Variants in TLK2 observed in about 807,000 individuals in gnomAD.
TLK2 encodes serine/threonine-protein kinase tousled-like 2.
Under a neutral mutation model 117.3 loss-of-function variants are expected in TLK2, and 6 were observed. The ratio of observed to expected loss-of-function variants is 0.05; its 90% CI spans 0.03 to 0.10. The LOEUF (loss-of-function observed/expected upper bound fraction) is 0.10. TLK2 is among the 10% of genes least tolerant of loss of function. TLK2 has a pLI of 1.00. For missense variants in TLK2, 299 were observed against 901.2 expected, an observed-to-expected ratio of 0.33 and a Z score of 8.56; for synonymous variants, 257 against 316.7, an observed-to-expected ratio of 0.81 and a Z score of 2.00.
chr17:62,586,814 G>A (rs1209112964), intron 16 of TLK2, among the ~76,000 whole-genome samples: 1 of 141,588 alleles, frequency 7.1e-6, no homozygotes, highest in Non-Finnish European at 1.6e-5. Context: ...GTGCGAGTGC[G>A]AGACTGCATC....
At chr17:62,497,118 C>T (rs2073777495) in intron 2 of TLK2, among the ~76,000 whole-genome samples, 1 of 151,950 alleles carries the variant, frequency 6.6e-6, no homozygotes, top group Non-Finnish European at 1.5e-5. Flanking sequence ...ATTAGCCAGG[C>T]ATGGTGGCGT....
chr17:62,596,447 G>A (rs1316978837), intron 16 of TLK2, 138 bp from the exon 17 acceptor site: 4 of 631,568 alleles, frequency 6.3e-6, no homozygotes, highest in Non-Finnish European at 1.1e-5. Context: ...AGAAAAGTCA[G>A]ATGAGGGACC....
At chr17:62,548,240 A>ATGTGTG (rs59375141) in intron 7 of TLK2, among the ~76,000 whole-genome samples, 4,893 of 121,192 alleles carry the variant, frequency 0.04, 124 homozygotes, top group South Asian at 0.092. Context: ...ATATATATAT[A>ATGTGTG]TGTGTGTGTG....
chr17:62,480,346 A>C (rs1320244816), intron 1 of TLK2, among the ~76,000 whole-genome samples: 1 of 152,146 alleles, frequency 6.6e-6, no homozygotes, highest in Non-Finnish European at 1.5e-5. Flanking sequence ...TATTTGCTGA[A>C]AGTAGCCTGT....
chr17:62,473,035 C>A (rs1422261833), intron 1 of TLK2, among the ~76,000 whole-genome samples: 2 of 152,180 alleles, frequency 1.3e-5, no homozygotes, highest in East Asian at 3.8e-4. Context: ...GCCCCCAACC[C>A]ACTCTCATTT....
intron 13 of TLK2, among the ~76,000 whole-genome samples, chr17:62,578,180 T>C (rs2080953192): frequency 6.6e-6 from 1 of 152,218 alleles, no homozygotes; most frequent in African/African-American, 2.4e-5. Context: ...AAAACATTCC[T>C]GAAAACTTAT....
At chr17:62,579,397 A>T (rs1300881137) in intron 14 of TLK2, among the ~76,000 whole-genome samples, 1 of 152,192 alleles carries the variant, frequency 6.6e-6, no homozygotes, top group African/African-American at 2.4e-5. Context: ...AAAGAGTTCA[A>T]CTTGGATCTT....
rs1261580027 is a variant in TLK2, at chr17:62,615,435, G to A, written c.*2870G>A. ...AGATTGTTTTAGCCTTTTCCCAATGGGGTGGGGGAGGGAAGAAGGATATTA... is the reference window on the plus strand; with the variant it reads ...AGATTGTTTTAGCCTTTTCCCAATGAGGTGGGGGAGGGAAGAAGGATATTA... On this transcript the variant is annotated 3_prime_UTR_variant, in exon 22 of 22. Coordinates refer to ENST00000346027, the MANE Select transcript of TLK2 (RefSeq NM_006852.6). 6.6e-6 allele frequency: 1 copy of A among 152,160 alleles called. No individual in the cohort carries two copies. The highest frequency in any genetic ancestry group is 1.5e-5 in the Non-Finnish European group (1 of 68,032). The allele number at this position is 152,160 out of a possible 1,614,324, so 9.4% of individuals were successfully genotyped here.
chr17:62,515,073 C>A (rs1216629441), intron 2 of TLK2, among the ~76,000 whole-genome samples: 6 of 152,242 alleles, frequency 3.9e-5, no homozygotes, highest in Admixed American at 1.3e-4. Context: ...TACTTTCTGA[C>A]TCTATGAATT....
At chr17:62,499,616 G>T (rs1210727915) in intron 2 of TLK2, among the ~76,000 whole-genome samples, 1 of 151,958 alleles carries the variant, frequency 6.6e-6, no homozygotes, top group Non-Finnish European at 1.5e-5. Context: ...TTGGGAGGCC[G>T]AGGTGGGCGG....
intron 6 of TLK2, among the ~76,000 whole-genome samples, chr17:62,527,333 A>G (rs2145660926): frequency 6.6e-6 from 1 of 152,218 alleles, no homozygotes; most frequent in South Asian, 2.1e-4. Flanking sequence ...TATATATTTA[A>G]ATTTTTTTGT....
At chr17:62,548,438 C>T (rs1252424284) in intron 7 of TLK2, among the ~76,000 whole-genome samples, 4 of 151,800 alleles carry the variant, frequency 2.6e-5, no homozygotes, top group Non-Finnish European at 5.9e-5. Flanking sequence ...CGCACCACCA[C>T]ACCTGGCTAA....
intron 2 of TLK2, among the ~76,000 whole-genome samples, chr17:62,495,073 A>G (rs545813874): frequency 1.3e-5 from 2 of 152,186 alleles, no homozygotes; most frequent in Non-Finnish European, 2.9e-5. Context: ...AGGCTGAGGC[A>G]GGAGGATCAC....
intron 10 of TLK2, among the ~76,000 whole-genome samples, chr17:62,560,928 C>T (rs920167202): frequency 6.6e-6 from 1 of 151,998 alleles, no homozygotes; most frequent in Admixed American, 6.6e-5. Flanking sequence ...CTGCATCCAT[C>T]AACTCGTCAT....
chr17:62,474,745 T>C (rs1055867896), upstream of TLK2, among the ~76,000 whole-genome samples: 4 of 151,740 alleles, frequency 2.6e-5, no homozygotes, highest in African/African-American at 9.7e-5. Context: ...CAGGCTGGTC[T>C]CCAACTCCTG....
chr17:62,472,446 G>A (rs965219265), intron 1 of TLK2, among the ~76,000 whole-genome samples: 2 of 151,920 alleles, frequency 1.3e-5, no homozygotes, highest in African/African-American at 2.4e-5. Flanking sequence ...CAGGATAAAA[G>A]CCAGGAGGCT....
chr17:62,503,361 C>G (rs2074382233), intron 2 of TLK2, among the ~76,000 whole-genome samples: 1 of 150,136 alleles, frequency 6.7e-6, no homozygotes, highest in Non-Finnish European at 1.5e-5. Context: ...CCGGGCCTGG[C>G]TTAACATTTT....
At chr17:62,522,422 A>G (rs1351253374) in intron 4 of TLK2, 149 bp downstream of exon 4, 4 of 898,852 alleles carry the variant, frequency 4.5e-6, no homozygotes, top group African/African-American at 1.7e-5. Context: ...TGTTTATTAC[A>G]GACTTGCCAT....
chr17:62,573,150 G>A (rs2080450031), intron 11 of TLK2, 65 bp from the exon 12 acceptor site: 2 of 1,502,376 alleles, frequency 1.3e-6, no homozygotes, highest in African/African-American at 2.8e-5. Context: ...CAAATTGTGT[G>A]TGTTCCATAG....
Sources: allele counts gnomAD v4.1 joint callset (sites outside exome capture counted in the v4.1 genomes callset), GRCh38; gene constraint gnomAD v4.1.1; transcripts MANE v1.5; gene names NCBI Gene and HGNC (gene_info 2026-07-23, HGNC 2026-07-21).